EGFL6: variants seen among roughly 807,000 people sequenced by gnomAD.
The protein encoded by EGFL6 is epidermal growth factor-like protein 6.
Under a neutral mutation model 43.1 loss-of-function variants are expected in EGFL6, and 42 were observed. The ratio of observed to expected loss-of-function variants is 0.98; its 90% CI spans 0.76 to 1.26. The LOEUF (loss-of-function observed/expected upper bound fraction) is 1.26, where lower values mean the gene tolerates loss of function less well. Among genes scored for constraint, EGFL6 ranks in the 50% most tolerant of loss-of-function variants. The pLI is 0.00. For missense variants in EGFL6, 429 were observed against 427.8 expected, an observed-to-expected ratio of 1.00 and a Z score of -0.02; for synonymous variants, 164 against 163.2, an observed-to-expected ratio of 1.01 and a Z score of -0.04.
At chrX:13,587,857 G>A (rs905206645) in intron 1 of EGFL6, among the ~76,000 whole-genome samples, 1 of 111,893 alleles carries the variant, frequency 8.9e-6, no homozygotes, top group Non-Finnish European at 1.9e-5. Flanking sequence ...CATAGCAAAT[G>A]CACAATAAAT....
rs763844368 is a variant in EGFL6 at position 13,589,791 on chromosome X, A to G, written c.187+123A>G. Reference sequence around the variant, plus strand: ...CAGGCAAGGACATGCATAACTACCAATAACCAAGGTCTGGGTTCCTATGAG... The same window carrying G: ...CAGGCAAGGACATGCATAACTACCAGTAACCAAGGTCTGGGTTCCTATGAG... On this transcript the variant is annotated intron_variant, in intron 2 of 11. Coordinates refer to ENST00000361306, the MANE Select transcript of EGFL6 (RefSeq NM_015507.4). 2.3e-5 allele frequency: 11 copies of G among 486,047 alleles called. No homozygotes were observed. The Admixed American group carries it at 2.8e-4, about 12-fold the overall frequency. 40.1% of individuals were successfully genotyped at this position (486,047 alleles called of 1,213,427 possible).
chrX:13,582,254 G>A (rs1291639602), intron 1 of EGFL6, among the ~76,000 whole-genome samples: 2 of 109,136 alleles, frequency 1.8e-5, no homozygotes, highest in East Asian at 2.9e-4. Flanking sequence ...GTAGAGACGG[G>A]GTTTCACCAT....
intron 2 of EGFL6, among the ~76,000 whole-genome samples, chrX:13,593,694 G>C (rs908639971): frequency 8.9e-6 from 1 of 112,157 alleles, no homozygotes; most frequent in African/African-American, 3.2e-5. Flanking sequence ...TAGATAGATA[G>C]TTGTTCAATG....
At chrX:13,625,885 C>CAAAAAAAAAAAAAAAAAAAAAA (rs755901799) in intron 10 of EGFL6, among the ~76,000 whole-genome samples, 1 of 30,900 alleles carries the variant, frequency 3.2e-5, no homozygotes, top group African/African-American at 1.1e-4. Flanking sequence ...GACCCTGCCT[C>CAAAAAAAAAAAAAAAAAAAAAA]AAAAAAAAAA....
At chrX:13,605,635 C>T (rs1420297485) in intron 5 of EGFL6, among the ~76,000 whole-genome samples, 2 of 109,949 alleles carry the variant, frequency 1.8e-5, no homozygotes, top group African/African-American at 3.3e-5. Context: ...ATCAACTTGC[C>T]GGTTTAAGCC....
rs531266265 is a variant in EGFL6 at position 13,586,919 on chromosome X, C to G, written c.75-2637C>G. 5.3e-5 allele frequency among the ~76,000 whole-genome samples: 6 copies of G among 112,308 alleles called. No homozygotes were observed. In the South Asian group the frequency reaches 2.2e-3, roughly 41 times the overall value. On this transcript the variant is annotated intron_variant, in intron 1 of 11. Transcript: ENST00000361306. The stretch of plus-strand genomic sequence containing the variant: ...AATAAAAAGAAATACAGTACTGTTA[C>G]AAGCTACAACATGGATCAAACTTGA...
chrX:13,577,086 A>C lies in EGFL6; in HGVS notation c.74+7151A>C, dbSNP rs186948443. On this transcript the variant is annotated intron_variant, in intron 1 of 11. Coordinates refer to ENST00000361306, the MANE Select transcript of EGFL6 (RefSeq NM_015507.4). ...ACATTCTTCTGAATGCCAGAGATTC[A>C]TAACTACTGCCTCCCTCACTAGACA... 2.7e-5 allele frequency among the ~76,000 whole-genome samples: 3 copies of C among 110,273 alleles called. No individual in the cohort carries two copies. In the Admixed American group the frequency reaches 2.9e-4, roughly 11 times the overall value.
At chrX:13,580,191 G>A (rs1315098312) in intron 1 of EGFL6, among the ~76,000 whole-genome samples, 1 of 111,425 alleles carries the variant, frequency 9.0e-6, no homozygotes, top group Admixed American at 9.5e-5. Context: ...TTCTTCAACA[G>A]GATTTAAAGT....
chrX:13,606,078 G>T (rs1260876572), intron 5 of EGFL6, among the ~76,000 whole-genome samples: 1 of 112,087 alleles, frequency 8.9e-6, no homozygotes, highest in East Asian at 2.8e-4. Flanking sequence ...TAGGTACCAA[G>T]TGTCAGACAC....
rs752496669 is a variant in EGFL6 at position 13,570,739 on chromosome X, C to T, written c.74+804C>T. Reference sequence around the variant, plus strand: ...GTGTGTAAGGTACTATTATCATCATCTCCGTGTTGTAGAAGAGAAAAACGA... The same window carrying T: ...GTGTGTAAGGTACTATTATCATCATTTCCGTGTTGTAGAAGAGAAAAACGA... On this transcript the variant is annotated intron_variant, in intron 1 of 11. Transcript: ENST00000361306. Among the ~76,000 whole-genome samples the T allele has an allele frequency of 2.9e-4, 32 of 111,820 alleles. No individual in the cohort carries two copies. In the South Asian group the frequency reaches 0.012, roughly 41 times the overall value.
In EGFL6 at chrX:13,590,971, G is replaced by T. The variant is rs754862153; in HGVS notation, c.187+1303G>T. 2.7e-5 allele frequency among the ~76,000 whole-genome samples: 3 copies of T among 111,611 alleles called. No homozygotes were observed. The South Asian group carries it at 1.1e-3, about 42-fold the overall frequency. On this transcript the variant is annotated intron_variant, in intron 2 of 11. Coordinates refer to ENST00000361306, the MANE Select transcript of EGFL6 (RefSeq NM_015507.4). ...GGGTGACCTTGGGCAAGCTAGCTAAGGTAAGCTAGCTAAGGCTCAATTTCC... is the reference window on the plus strand; with the variant it reads ...GGGTGACCTTGGGCAAGCTAGCTAATGTAAGCTAGCTAAGGCTCAATTTCC...
chrX:13,605,781 C>T (rs772260435), intron 5 of EGFL6, among the ~76,000 whole-genome samples: 6 of 111,976 alleles, frequency 5.4e-5, no homozygotes, highest in Non-Finnish European at 1.1e-4. Flanking sequence ...AGGAACAACA[C>T]ACCTATTGTT....
At chrX:13,597,699 A>T (rs1316919627) in intron 3 of EGFL6, among the ~76,000 whole-genome samples, 1 of 111,156 alleles carries the variant, frequency 9.0e-6, no homozygotes, top group African/African-American at 3.3e-5. Flanking sequence ...CAGGAGAATC[A>T]CATGAACCTG....
chrX:13,617,700 T>G, intron 7 of EGFL6, 30 bp from the exon 8 acceptor site: 1 of 1,110,660 alleles, frequency 9.0e-7, no homozygotes, highest in Non-Finnish European at 1.2e-6. Flanking sequence ...ATCTTCCAAT[T>G]TGGAACATAT....
chrX:13,580,709 C>A (rs1340444519), intron 1 of EGFL6, among the ~76,000 whole-genome samples: 1 of 112,153 alleles, frequency 8.9e-6, no homozygotes, highest in East Asian at 2.8e-4. Context: ...TCCCTCTAGT[C>A]CATGCTCCAA....
chrX:13,615,815 GTTTA>G (rs2045714913), intron 7 of EGFL6, among the ~76,000 whole-genome samples: 1 of 111,742 alleles, frequency 8.9e-6, no homozygotes, highest in Non-Finnish European at 1.9e-5. Context: ...ACTTCTGCTT[GTTTA>G]TTTTTCTACT....
At chrX:13,625,401 G>A (rs772322980) in intron 10 of EGFL6, among the ~76,000 whole-genome samples, 4 of 111,195 alleles carry the variant, frequency 3.6e-5, no homozygotes, top group Non-Finnish European at 5.7e-5. Context: ...GGCTGGGTGC[G>A]GTGGCTCATG....
At chrX:13,606,807 G>A (rs1319600507) in intron 6 of EGFL6, among the ~76,000 whole-genome samples, 1 of 112,090 alleles carries the variant, frequency 8.9e-6, no homozygotes, top group Non-Finnish European at 1.9e-5. Flanking sequence ...TTTTTGTTTT[G>A]TTTATATTTT....
chrX:13,585,205 C>T (rs375947094), intron 1 of EGFL6, among the ~76,000 whole-genome samples: 3 of 111,543 alleles, frequency 2.7e-5, no homozygotes, highest in African/African-American at 9.8e-5. Flanking sequence ...TGTTGTAATC[C>T]TCTGGTCATC....
Sources: allele counts gnomAD v4.1 joint callset (sites outside exome capture counted in the v4.1 genomes callset), GRCh38; gene constraint gnomAD v4.1.1; transcripts MANE v1.5; gene names NCBI Gene and HGNC (gene_info 2026-07-23, HGNC 2026-07-21).